Variants in TNFAIP8L3 observed in about 807,000 individuals in gnomAD.
TNFAIP8L3 encodes TNF alpha induced protein 8 like 3, also known as tumor necrosis factor alpha-induced protein 8-like protein 3.
In TNFAIP8L3, 7 loss-of-function variants were observed where a neutral mutation model predicts 11.8. The observed-to-expected ratio is 0.59, with a 90% CI of 0.34 to 1.11. TNFAIP8L3 has a LOEUF of 1.11. Among genes scored for constraint, TNFAIP8L3 ranks in the 50% most tolerant of loss-of-function variants. TNFAIP8L3 has a pLI of 0.03. For synonymous variants in TNFAIP8L3, 98 were observed against 103.8 expected, an observed-to-expected ratio of 0.94 and a Z score of 0.34; for missense variants, 219 against 258.6, an observed-to-expected ratio of 0.85 and a Z score of 1.05.
chr15:51,101,248 C>G (rs1419853762), intron 1 of TNFAIP8L3, among the ~76,000 whole-genome samples: 1 of 152,194 alleles, frequency 6.6e-6, no homozygotes, highest in African/African-American at 2.4e-5. Context: ...CTGCTAATGC[C>G]TAGATTACCT....
intron 1 of TNFAIP8L3, among the ~76,000 whole-genome samples, chr15:51,087,119 C>A (rs2065434504): frequency 6.6e-6 from 1 of 152,206 alleles, no homozygotes; most frequent in South Asian, 2.1e-4. Flanking sequence ...CCACCCGCCT[C>A]AGCCTCCCAA....
chr15:51,089,721 G>A (rs2065453800), intron 1 of TNFAIP8L3, among the ~76,000 whole-genome samples: 1 of 152,188 alleles, frequency 6.6e-6, no homozygotes, highest in Non-Finnish European at 1.5e-5. Flanking sequence ...GTTCTTAGGA[G>A]GTTCCTCAAG....
At chr15:51,061,247 C>T (rs2065240937) in intron 1 of TNFAIP8L3, among the ~76,000 whole-genome samples, 6 of 152,184 alleles carry the variant, frequency 3.9e-5, no homozygotes, top group Admixed American at 3.9e-4. Flanking sequence ...CTCAAGCAAT[C>T]CTCCTGTCTC....
intron 1 of TNFAIP8L3, among the ~76,000 whole-genome samples, chr15:51,070,221 A>C (rs1268410904): frequency 1.3e-5 from 2 of 152,228 alleles, no homozygotes; most frequent in African/African-American, 4.8e-5. Flanking sequence ...AATCATCTCC[A>C]AATCAACAGG....
chr15:51,077,369 C>T (rs1263753242), intron 1 of TNFAIP8L3, among the ~76,000 whole-genome samples: 1 of 152,220 alleles, frequency 6.6e-6, no homozygotes, highest in Non-Finnish European at 1.5e-5. Context: ...ACCTCAAGGC[C>T]AGCCCTTCCC....
rs533410212 is a variant in TNFAIP8L3, at chr15:51,094,434, G to C, written c.52+110C>G. 1 of 1,234,374 alleles carries C rather than the reference G, an allele frequency of 8.1e-7. No individual in the cohort carries two copies. The highest frequency in any genetic ancestry group is 1.6e-5 in the African/African-American group (1 of 62,434). 76.5% of individuals were successfully genotyped at this position (1,234,374 alleles called of 1,614,324 possible). ...ACGACGCGGAGCAATCCCCAGTCTT[G>C]GCCTGGAAGGGGTCGGGCTGCTGAG... On this transcript the variant is annotated intron_variant, in intron 1 of 1. Transcript: ENST00000637513. This position sits in a 1 kb window ranked among gnomAD's most constrained non-coding sequence, Gnocchi z 4.4.
intron 1 of TNFAIP8L3, among the ~76,000 whole-genome samples, chr15:51,084,101 C>CA (rs2065410621): frequency 6.6e-6 from 1 of 152,020 alleles, no homozygotes; most frequent in Non-Finnish European, 1.5e-5. Context: ...CGAGCATTAA[C>CA]AAAAAATCTC....
In TNFAIP8L3 at chr15:51,102,260, C is replaced by T. The variant is rs138048353; in HGVS notation, c.172+2745G>A. On this transcript the variant is annotated intron_variant, in intron 1 of 2. Coordinates refer to the TNFAIP8L3 transcript ENST00000327536. ...TCATCTGATGCTGACTCTCCTCCTG[C>T]GCATGTCTTTAAAAGTATCCTCTCG... Among the ~76,000 whole-genome samples the T allele has an allele frequency of 6.9e-3, 1,050 of 152,266 alleles. 7 individuals are homozygous for T. The highest frequency in any genetic ancestry group is 0.012 in the Non-Finnish European group (797 of 68,014).
At chr15:51,081,640 T>C (rs2065393102) in intron 1 of TNFAIP8L3, among the ~76,000 whole-genome samples, 1 of 152,222 alleles carries the variant, frequency 6.6e-6, no homozygotes, top group Non-Finnish European at 1.5e-5. Context: ...AGCTACTTTT[T>C]ACATAGTTTG....
At chr15:51,091,950 AC>A (rs2065193543) in intron 1 of TNFAIP8L3, among the ~76,000 whole-genome samples, 1 of 152,100 alleles carries the variant, frequency 6.6e-6, no homozygotes, top group Admixed American at 6.6e-5. Context: ...TACCAGGAAC[AC>A]CTCTCGTGTT....
chr15:51,105,019 C>T (rs1362509790), exon 1 of TNFAIP8L3: 1 of 1,614,180 alleles, frequency 6.2e-7, no homozygotes, highest in Admixed American at 1.7e-5. Context: ...TCCCTTTCCC[C>T]TCTGAAGATG....
chr15:51,094,703 C>T lies in TNFAIP8L3; in HGVS notation c.-108G>A. ...AGCGGGGCGGCTGGAGCCCGGGCGG[C>T]GCGGGCGGCGCGGGCTGGGCGGTGC... is the stretch of plus-strand genomic sequence containing the variant. On this transcript the variant is annotated 5_prime_UTR_variant, in exon 1 of 2. Transcript: ENST00000637513. The surrounding 1 kb of genome is among the most constrained non-coding windows in gnomAD (Gnocchi z 4.4). The T allele has an allele frequency of 1.7e-6, 1 of 597,506 alleles. No individual in the cohort carries two copies. 37.0% of individuals were successfully genotyped at this position (597,506 alleles called of 1,614,324 possible).
intron 1 of TNFAIP8L3, among the ~76,000 whole-genome samples, chr15:51,093,953 G>A (rs2065490976): frequency 2.0e-5 from 3 of 152,208 alleles, no homozygotes; most frequent in African/African-American, 4.8e-5. Context: ...CTGCGTCTGT[G>A]TTCGGGGACC....
Position 51,059,626 on chromosome 15 carries a change from C to T in TNFAIP8L3, c.53-1183G>A, listed in dbSNP as rs572919077. On this transcript the variant is annotated intron_variant, in intron 1 of 1. Coordinates refer to ENST00000637513, the MANE Select transcript of TNFAIP8L3 (RefSeq NM_001311175.2). ...GCAATGTCTCCCACAGCACCTAGCT[C>T]GTTCTGAGCATAGGGAATGGTGCTG... Among the ~76,000 whole-genome samples, 84 of 152,324 alleles carry T rather than the reference C, an allele frequency of 5.5e-4. 1 individual carries two copies. Among genetic ancestry groups the T allele is most frequent in the South Asian group, 4.1e-3 (20 of 4,830 alleles).
Position 51,057,138 on chromosome 15 carries a change from G to T in TNFAIP8L3, c.*743C>A, listed in dbSNP as rs536704286. 2 of 152,232 alleles carry T rather than the reference G, an allele frequency of 1.3e-5. No individual in the cohort carries two copies. Among genetic ancestry groups the T allele is most frequent in the Admixed American group, 1.3e-4 (2 of 15,286 alleles). The allele number at this position is 152,232 out of a possible 1,614,324, so 9.4% of individuals were successfully genotyped here. ...TTGGCCAGGCTGATCTTGAACTCCG[G>T]ACCTCAGGCAATCTGCCCACCTCGG... On this transcript the variant is annotated 3_prime_UTR_variant, in exon 2 of 2. Coordinates refer to ENST00000637513, the MANE Select transcript of TNFAIP8L3 (RefSeq NM_001311175.2).
At chr15:51,085,944 T>C (rs2065424491) in intron 1 of TNFAIP8L3, among the ~76,000 whole-genome samples, 1 of 152,210 alleles carries the variant, frequency 6.6e-6, no homozygotes, top group Admixed American at 6.5e-5. Context: ...GAAAATAATG[T>C]TACTGACAAG....
chr15:51,070,387 G>T (rs1439968512), intron 1 of TNFAIP8L3, among the ~76,000 whole-genome samples: 1 of 152,190 alleles, frequency 6.6e-6, no homozygotes, highest in Non-Finnish European at 1.5e-5. Flanking sequence ...CTGAATGGTA[G>T]ATTATATTCA....
Position 51,103,924 on chromosome 15 carries a change from G to A in TNFAIP8L3, c.172+1081C>T, listed in dbSNP as rs996857494. Among the ~76,000 whole-genome samples, 5 of 46,346 alleles carry A rather than the reference G, an allele frequency of 1.1e-4. No homozygotes were observed. In the South Asian group the frequency reaches 3.2e-3, roughly 29 times the overall value. The allele number at this position is 46,346 out of a possible 152,430, so 30.4% of individuals were successfully genotyped here. On this transcript the variant is annotated intron_variant, in intron 1 of 2. Transcript: ENST00000327536. The stretch of plus-strand genomic sequence containing the variant: ...TATTGCTGCAAGAGTTAAGAGGAAT[G>A]AGAGTTACTGGCAGGAAAGAGGAGA...
Position 51,057,625 on chromosome 15 carries a change from C to T in TNFAIP8L3, c.*256G>A, listed in dbSNP as rs2065214513. Reference sequence around the variant, plus strand: ...ACAGCACTCACTGTAATGAACAAAACAGCCTTTCTGCTTAGAATAGATGAA... The same window carrying T: ...ACAGCACTCACTGTAATGAACAAAATAGCCTTTCTGCTTAGAATAGATGAA... On this transcript the variant is annotated 3_prime_UTR_variant, in exon 2 of 2. Coordinates refer to ENST00000637513, the MANE Select transcript of TNFAIP8L3 (RefSeq NM_001311175.2). 5.1e-6 allele frequency: 2 copies of T among 392,136 alleles called. No individual in the cohort carries two copies. The highest frequency in any genetic ancestry group is 9.1e-6 in the Non-Finnish European group (2 of 218,972). 24.3% of individuals were successfully genotyped at this position (392,136 alleles called of 1,614,324 possible).
Sources: allele counts gnomAD v4.1 joint callset (sites outside exome capture counted in the v4.1 genomes callset), GRCh38; gene constraint gnomAD v4.1.1; non-coding constraint Gnocchi (gnomAD v3.1); transcripts MANE v1.5; gene names NCBI Gene and HGNC (gene_info 2026-07-23, HGNC 2026-07-21).